The following TRIB2 variants were observed in gnomAD, a reference collection of about 807,000 sequenced individuals.
The protein encoded by TRIB2 is tribbles pseudokinase 2.
Under a neutral mutation model 26.8 loss-of-function variants are expected in TRIB2, and 2 were observed. The ratio of observed to expected loss-of-function variants is 0.07; its 90% confidence interval spans 0.03 to 0.24. The LOEUF is 0.24. TRIB2 is among the 10% of genes least tolerant of loss of function. The probability of loss-of-function intolerance (pLI) is 1.00; values close to 1 mark genes in which losing one functional copy is unlikely to be tolerated. For missense variants in TRIB2, 306 were observed against 449.0 expected, an observed-to-expected ratio of 0.68 and a Z score of 2.88; for synonymous variants, 189 against 187.3, an observed-to-expected ratio of 1.01 and a Z score of -0.08.
Position 12,718,445 on chromosome 2 carries a change from G to A in TRIB2, c.138G>A (p.Pro46=). 3 of 1,614,212 alleles carry A rather than the reference G, an allele frequency of 1.9e-6. No individual in the cohort carries two copies. Among genetic ancestry groups the A allele is most frequent in the African/African-American group, 1.3e-5 (1 of 75,052 alleles). The change falls in exon 1 of 3, where the codon CCG becomes CCA. Residue 46 remains proline (P), a synonymous_variant. Coordinates refer to ENST00000155926, the MANE Select transcript of TRIB2 (RefSeq NM_021643.4). This position sits in a 1 kb window ranked among gnomAD's most constrained non-coding sequence, Gnocchi z 4.0. ...SQSFSPNLGS[P]SPPETPNLSH... is the part of the protein sequence containing the mutation. Reference sequence around the variant, plus strand: ...GTTTCAGCCCGAACCTCGGCTCCCCGAGCCCGCCCGAGACTCCGAACTTGT... The same window carrying A: ...GTTTCAGCCCGAACCTCGGCTCCCCAAGCCCGCCCGAGACTCCGAACTTGT...
Position 12,740,296 on chromosome 2 carries a change from A to G in TRIB2, c.564-30A>G. 1.9e-6 allele frequency: 3 copies of G among 1,602,802 alleles called. No individual in the cohort carries two copies. The highest frequency in any genetic ancestry group is 2.6e-6 in the Non-Finnish European group (3 of 1,172,268). Reference sequence around the variant, plus strand: ...TGGTAACGTGTCTCTGAGCACCCTCAGGAGCTTATGTTTTCCTCCTTTCTT... The same window carrying G: ...TGGTAACGTGTCTCTGAGCACCCTCGGGAGCTTATGTTTTCCTCCTTTCTT... On this transcript the variant is annotated intron_variant, in intron 2 of 2. Transcript: ENST00000155926. This position sits in a 1 kb window ranked among gnomAD's most constrained non-coding sequence, Gnocchi z 5.8.
At chr2:12,723,919 CA>C (rs779010218) in intron 2 of TRIB2, among the ~76,000 whole-genome samples, 15 of 152,186 alleles carry the variant, frequency 9.9e-5, no homozygotes, top group Admixed American at 2.0e-4. Flanking sequence ...CAGAATCAGT[CA>C]TTTATAATTC....
chr2:12,734,453 C>T (rs1354982778), intron 2 of TRIB2, among the ~76,000 whole-genome samples: 4 of 152,064 alleles, frequency 2.6e-5, no homozygotes, highest in African/African-American at 7.2e-5. Flanking sequence ...CAGGAAGGAA[C>T]GAGAATTCAC....
intron 1 of TRIB2, among the ~76,000 whole-genome samples, chr2:12,722,141 C>T (rs891277276): frequency 1.3e-5 from 2 of 152,170 alleles, no homozygotes; most frequent in African/African-American, 4.8e-5. Context: ...TTGCCGACTT[C>T]CAGTCCAGCA....
At chr2:12,723,111 G>A in intron 1 of TRIB2, 149 bp from the exon 2 acceptor site, 1 of 787,754 alleles carries the variant, frequency 1.3e-6, no homozygotes, top group Non-Finnish European at 2.0e-6. Flanking sequence ...CACACAGCTG[G>A]TAGGAGGCAG....
intron 2 of TRIB2, among the ~76,000 whole-genome samples, chr2:12,738,694 G>T (rs1489174732): frequency 6.7e-6 from 1 of 149,614 alleles, no homozygotes; most frequent in Non-Finnish European, 1.5e-5. Context: ...TTCTTAGGAG[G>T]CCCCTGAGCT....
At chr2:12,731,442 G>A (rs150973712) in intron 2 of TRIB2, among the ~76,000 whole-genome samples, 119 of 152,242 alleles carry the variant, frequency 7.8e-4, no homozygotes, top group African/African-American at 2.4e-3. Flanking sequence ...TTGTGATTCC[G>A]GAAGTACATG....
Position 12,718,923 on chromosome 2 carries a change from T to C in TRIB2, c.270+346T>C, listed in dbSNP as rs1666662878. On this transcript the variant is annotated intron_variant, in intron 1 of 2. Coordinates refer to ENST00000155926, the MANE Select transcript of TRIB2 (RefSeq NM_021643.4). The surrounding 1 kb of genome is among the most constrained non-coding windows in gnomAD (Gnocchi z 4.0). ...GGATTTCTTCCTGTGTCTAGCCCCCTCCCCTTCCAACAAGGATTAGGGAAT... is the reference window on the plus strand; with the variant it reads ...GGATTTCTTCCTGTGTCTAGCCCCCCCCCCTTCCAACAAGGATTAGGGAAT... Among the ~76,000 whole-genome samples, 1 of 152,130 alleles carries C rather than the reference T, an allele frequency of 6.6e-6. No individual in the cohort carries two copies. Among genetic ancestry groups the C allele is most frequent in the African/African-American group, 2.4e-5 (1 of 41,432 alleles).
chr2:12,739,747 C>G (rs1222625957), intron 2 of TRIB2, among the ~76,000 whole-genome samples: 1 of 152,166 alleles, frequency 6.6e-6, no homozygotes, highest in African/African-American at 2.4e-5. Context: ...GGGAAGTTAC[C>G]CGAACTCTCT....
chr2:12,718,022 C>CT lies in TRIB2; in HGVS notation c.-285dup. ...CGCCGGGGACACACACACAGAGTAA[C>CT]TAAAAGTGCGGCGATTCTGCACATC... On this transcript the variant is annotated 5_prime_UTR_variant, in exon 1 of 3. Coordinates refer to ENST00000155926, the MANE Select transcript of TRIB2 (RefSeq NM_021643.4). The surrounding 1 kb of genome is among the most constrained non-coding windows in gnomAD (Gnocchi z 4.0). 2.2e-6 allele frequency: 1 copy of CT among 462,042 alleles called. No homozygotes were observed. The highest frequency in any genetic ancestry group is 3.1e-5 in the South Asian group (1 of 32,190). 28.6% of individuals were successfully genotyped at this position (462,042 alleles called of 1,614,324 possible).
At chr2:12,721,803 C>T (rs1414932155) in intron 1 of TRIB2, among the ~76,000 whole-genome samples, 1 of 152,230 alleles carries the variant, frequency 6.6e-6, no homozygotes, top group Non-Finnish European at 1.5e-5. Context: ...GTTTGACTCA[C>T]AGATTTTGTT....
At chr2:12,733,174 G>A (rs928731477) in intron 2 of TRIB2, among the ~76,000 whole-genome samples, 1 of 152,184 alleles carries the variant, frequency 6.6e-6, no homozygotes, top group Non-Finnish European at 1.5e-5. Flanking sequence ...ACTGGCTTGC[G>A]AGGTGGCCTT....
chr2:12,738,285 C>G (rs942374665), intron 2 of TRIB2, among the ~76,000 whole-genome samples: 6 of 152,202 alleles, frequency 3.9e-5, no homozygotes, highest in Admixed American at 2.0e-4. Flanking sequence ...GTCACAAGCT[C>G]TGACTTATGA....
chr2:12,723,525 G>A lies in TRIB2; in HGVS notation c.536G>A (p.Arg179Gln), dbSNP rs1661271290. 6.2e-7 allele frequency: 1 copy of A among 1,614,068 alleles called. No individual in the cohort carries two copies. Among genetic ancestry groups the A allele is most frequent in the Non-Finnish European group, 8.5e-7 (1 of 1,179,988 alleles). The stretch of plus-strand genomic sequence containing the variant: ...CTGGTGCTGCGGGACCTCAAGCTGC[G>A]GAAATTCATCTTTAAGGACGAAGAG... ...GGLVLRDLKLRKFIFKDEERT... is the reference protein window; with the variant it reads ...GGLVLRDLKLQKFIFKDEERT... The change falls in exon 2 of 3, where the codon CGG becomes CAG. Residue 179 changes from arginine to glutamine, a missense_variant. Coordinates refer to ENST00000155926, the MANE Select transcript of TRIB2 (RefSeq NM_021643.4).
chr2:12,719,379 T>C (rs908077144), intron 1 of TRIB2, among the ~76,000 whole-genome samples: 11 of 152,072 alleles, frequency 7.2e-5, no homozygotes, highest in Admixed American at 3.3e-4. Context: ...TTTCCTTTTT[T>C]GTCTTTAACC....
Position 12,718,635 on chromosome 2 carries a change from CGCCAGGCCCTCGA to C in TRIB2, c.270+60_270+72del, listed in dbSNP as rs1237440970. The C allele has an allele frequency of 2.7e-5, 42 of 1,582,530 alleles. No homozygotes were observed. The highest frequency in any genetic ancestry group is 3.5e-5 in the Non-Finnish European group (41 of 1,160,138). ...GAAGGGGCCCGAGGGAGCGGGAGGG[CGCCAGGCCCTCGA>C]GTCTGGGAGAGGGAGATTCGCGGGA... On this transcript the variant is annotated intron_variant, in intron 1 of 2. Coordinates refer to ENST00000155926, the MANE Select transcript of TRIB2 (RefSeq NM_021643.4). The surrounding 1 kb of genome is among the most constrained non-coding windows in gnomAD (Gnocchi z 4.0).
chr2:12,718,153 G>A lies in TRIB2; in HGVS notation c.-155G>A. 1.8e-6 allele frequency: 2 copies of A among 1,084,968 alleles called. No homozygotes were observed. Among genetic ancestry groups the A allele is most frequent in the South Asian group, 1.8e-5 (1 of 57,100 alleles). 67.2% of individuals were successfully genotyped at this position (1,084,968 alleles called of 1,614,324 possible). On this transcript the variant is annotated 5_prime_UTR_variant, in exon 1 of 3. Transcript: ENST00000155926. The surrounding 1 kb of genome is among the most constrained non-coding windows in gnomAD (Gnocchi z 4.0). ...GGTATCCGGCGGCGCCCATTTGGGGGCTTCTAACTCTTTCTCCACGCAGCC... is the reference window on the plus strand; with the variant it reads ...GGTATCCGGCGGCGCCCATTTGGGGACTTCTAACTCTTTCTCCACGCAGCC...
At chr2:12,726,351 C>T (rs1261768236) in intron 2 of TRIB2, among the ~76,000 whole-genome samples, 1 of 152,242 alleles carries the variant, frequency 6.6e-6, no homozygotes, top group Non-Finnish European at 1.5e-5. Flanking sequence ...TCCTTCTCTG[C>T]CTCCTGGCAG....
intron 2 of TRIB2, among the ~76,000 whole-genome samples, chr2:12,733,370 T>A (rs1661497614): frequency 6.6e-6 from 1 of 152,092 alleles, no homozygotes; most frequent in Non-Finnish European, 1.5e-5. Flanking sequence ...CCTTTAAAAG[T>A]TTTTCTTTCT....
Sources: allele counts gnomAD v4.1 joint callset (sites outside exome capture counted in the v4.1 genomes callset), GRCh38; gene constraint gnomAD v4.1.1; non-coding constraint Gnocchi (gnomAD v3.1); transcripts MANE v1.5; gene names NCBI Gene and HGNC (gene_info 2026-07-23, HGNC 2026-07-21).